The following ERF variants were observed in gnomAD, a reference collection of about 807,000 sequenced individuals.
The protein encoded by ERF is ETS2 repressor factor, also known as ETS domain-containing transcription factor ERF.
ERF carries 10 observed loss-of-function variants against 41.6 expected under a neutral mutation model. The observed-to-expected ratio is 0.24, with a 90% CI of 0.15 to 0.41. ERF has a LOEUF of 0.41. Among genes scored for constraint, ERF ranks in the 10% least tolerant of loss-of-function variants. The pLI is 1.00. For synonymous variants in ERF, 395 were observed against 342.4 expected (o/e 1.15, Z -1.70); for missense variants, 621 against 763.2 (o/e 0.81, Z 2.19).
intron 1 of ERF, among the ~76,000 whole-genome samples, chr19:42,253,059 A>G (rs2036470788): frequency 6.6e-6 from 1 of 152,212 alleles, no homozygotes; most frequent in Non-Finnish European, 1.5e-5. Context: ...TGGGTCCCAC[A>G]GAGGCGGGGT....
intron 1 of ERF, 134 bp downstream of exon 1, chr19:42,254,844 C>T: frequency 9.6e-7 from 1 of 1,045,116 alleles, no homozygotes; most frequent in East Asian, 3.3e-5. Context: ...AGCAACAGGT[C>T]TCCAGTGCTT....
At position 42,248,736 on chromosome 19, in the gene ERF, G is replaced by C; in HGVS notation, c.1376C>G (p.Ala459Gly). ...EDGEVFKTPR[A>G]PPAPPKPEPG... ...CTCAGGCTTAGGGGGTGCAGGTGGG[G>C]CACGGGGCGTCTTGAACACCTCCCC... The change falls in exon 4 of 4, where the codon GCC (alanine) becomes GGC (glycine). Residue 459 changes from alanine to glycine, a missense_variant. By Grantham distance (60) the Ala-to-Gly change is moderately conservative (BLOSUM62 0). Around this residue, in one of 3 missense-constraint regions of ERF, gnomAD observed 569 missense variants for 625.5 expected, o/e 0.91. Coordinates refer to ENST00000222329, the MANE Select transcript of ERF (RefSeq NM_006494.4). This position sits in a 1 kb window ranked among gnomAD's most constrained non-coding sequence, Gnocchi z 4.2. 1 of 1,613,616 alleles carries C rather than the reference G, an allele frequency of 6.2e-7. No homozygotes were observed. Among genetic ancestry groups the C allele is most frequent in the South Asian group, 1.1e-5 (1 of 91,082 alleles).
chr19:42,253,804 G>A (rs2036486858), intron 1 of ERF: 1 of 897,614 alleles, frequency 1.1e-6, no homozygotes, highest in Non-Finnish European at 1.3e-6. Context: ...AATGGGGTGG[G>A]GATGGGGTGG....
At chr19:42,254,185 G>C (rs542080056) in intron 1 of ERF, among the ~76,000 whole-genome samples, 5 of 151,484 alleles carry the variant, frequency 3.3e-5, no homozygotes, top group Non-Finnish European at 5.9e-5. Context: ...GCGGAGGGAA[G>C]AGACGGCCCG....
chr19:42,251,739 CA>C (rs2036449517), intron 1 of ERF, among the ~76,000 whole-genome samples: 1 of 152,118 alleles, frequency 6.6e-6, no homozygotes, highest in Admixed American at 6.5e-5. Context: ...CATCCACCCT[CA>C]AAGACTCCAC....
At chr19:42,253,136 C>A (rs888347867) in intron 1 of ERF, among the ~76,000 whole-genome samples, 1 of 152,186 alleles carries the variant, frequency 6.6e-6, no homozygotes, top group Admixed American at 6.5e-5. Context: ...CCCAACCTCA[C>A]GTGACGGCCC....
Position 42,254,991 on chromosome 19 carries a change from G to A in ERF, c.9C>T (p.Thr3=), listed in dbSNP as rs781046760. 12 of 1,469,646 alleles carry A rather than the reference G, an allele frequency of 8.2e-6. No individual in the cohort carries two copies. In the East Asian group the frequency reaches 2.7e-4, roughly 33 times the overall value. 91.0% of individuals were successfully genotyped at this position (1,469,646 alleles called of 1,614,324 possible). A position where few individuals can be genotyped will look rare whatever the true frequency, so the allele number is the denominator to read the frequency against. Residue 3 remains threonine (T), a synonymous_variant, in exon 1 of 4, where the codon ACC becomes ACT. Coordinates refer to ENST00000222329, the MANE Select transcript of ERF (RefSeq NM_006494.4). MK[T]PADTGFAFPD... is the part of the protein sequence containing the mutation. ...CCCCGCCCCCACCTGTGTCCGCCGGGGTCTTCATGCTGGGGGGCCCGGGGC... is the reference window on the plus strand; with the variant it reads ...CCCCGCCCCCACCTGTGTCCGCCGGAGTCTTCATGCTGGGGGGCCCGGGGC...
chr19:42,253,618 G>A (rs1273619720), intron 1 of ERF, among the ~76,000 whole-genome samples: 3 of 151,968 alleles, frequency 2.0e-5, no homozygotes, highest in Non-Finnish European at 4.4e-5. Flanking sequence ...GGAAGCCGGG[G>A]GAGTGTGTAG....
At chr19:42,252,946 G>A (rs1487171332) in intron 1 of ERF, among the ~76,000 whole-genome samples, 2 of 152,160 alleles carry the variant, frequency 1.3e-5, no homozygotes, top group East Asian at 3.9e-4. Context: ...CAGGGAGAGA[G>A]CAGGCACATG....
chr19:42,252,741 T>A (rs1464930991), intron 1 of ERF, among the ~76,000 whole-genome samples: 1 of 149,286 alleles, frequency 6.7e-6, no homozygotes, highest in Admixed American at 6.6e-5. Flanking sequence ...GGGGGGAGAA[T>A]GAAGAGGGGG....
Position 42,250,190 on chromosome 19 carries a change from G to T in ERF, c.257+141C>A. On this transcript the variant is annotated intron_variant, in intron 2 of 3. Coordinates refer to ENST00000222329, the MANE Select transcript of ERF (RefSeq NM_006494.4). The surrounding 1 kb of genome is among the most constrained non-coding windows in gnomAD (Gnocchi z 5.1). Reference sequence around the variant, plus strand: ...TGTGTTACCAAGGGGCTCAGGGAAGGGCTGGGAGTGGCCCAAGGTCACACA... The same window carrying T: ...TGTGTTACCAAGGGGCTCAGGGAAGTGCTGGGAGTGGCCCAAGGTCACACA... The T allele has an allele frequency of 1.1e-6, 1 of 942,984 alleles. No individual in the cohort carries two copies. Among genetic ancestry groups the T allele is most frequent in the Non-Finnish European group, 1.6e-6 (1 of 628,872 alleles). 58.4% of individuals were successfully genotyped at this position (942,984 alleles called of 1,614,324 possible).
intron 1 of ERF, 110 bp downstream of exon 1, chr19:42,254,868 G>C: frequency 7.8e-7 from 1 of 1,283,196 alleles, no homozygotes; most frequent in South Asian, 1.6e-5. Context: ...GGGTCCCCCA[G>C]AACTGGGGAT....
chr19:42,254,066 A>G (rs1234149520), intron 1 of ERF, among the ~76,000 whole-genome samples: 2 of 148,480 alleles, frequency 1.3e-5, no homozygotes, highest in Admixed American at 1.3e-4. Context: ...GGGGAGGGGG[A>G]AAAGTCCGAG....
rs1219051518 is a variant in ERF at position 42,249,259 on chromosome 19, G to A, written c.853C>T (p.Pro285Ser). Residue 285 changes from proline to serine, a missense_variant, in exon 4 of 4, where the codon CCG becomes TCG. Coordinates refer to ENST00000222329, the MANE Select transcript of ERF (RefSeq NM_006494.4). This position sits in a 1 kb window ranked among gnomAD's most constrained non-coding sequence, Gnocchi z 8.6. ...CCCCCGCCACCACTGGGGTACATCG[G>A]GCTCAGCGTGGGCGAGGGAGTGTAG... ...LAYTPSPTLS[P>S]MYPSGGGGPS... 6.2e-7 allele frequency: 1 copy of A among 1,611,450 alleles called. No homozygotes were observed. The highest frequency in any genetic ancestry group is 2.2e-5 in the East Asian group (1 of 44,824).
At chr19:42,254,097 G>A (rs1477280978) in intron 1 of ERF, among the ~76,000 whole-genome samples, 2 of 149,322 alleles carry the variant, frequency 1.3e-5, no homozygotes, top group African/African-American at 4.9e-5. Context: ...AGTTAATCCC[G>A]CTGCCCCCCG....
At position 42,248,345 on chromosome 19, in the gene ERF, G is replaced by C; in HGVS notation, c.*120C>G. ...AAGTTTTATACAAAATGTGGGGAGG[G>C]AAAAGGGAGGAGGCAGGGAAGAGAC... On this transcript the variant is annotated 3_prime_UTR_variant, in exon 4 of 4. Coordinates refer to ENST00000222329, the MANE Select transcript of ERF (RefSeq NM_006494.4). The surrounding 1 kb of genome is among the most constrained non-coding windows in gnomAD (Gnocchi z 4.2). The C allele has an allele frequency of 1.1e-6, 1 of 910,014 alleles. No homozygotes were observed. Among genetic ancestry groups the C allele is most frequent in the Non-Finnish European group, 1.5e-6 (1 of 670,812 alleles). 56.4% of individuals were successfully genotyped at this position (910,014 alleles called of 1,614,324 possible). A position where few individuals can be genotyped will look rare whatever the true frequency, so the allele number is the denominator to read the frequency against.
At position 42,253,817 on chromosome 19, in the gene ERF, T is replaced by G. The variant is rs1038709308; in HGVS notation, c.22+1161A>C. The G allele has an allele frequency of 5.1e-4, 447 of 872,872 alleles. 2 individuals carry two copies. The highest frequency in any genetic ancestry group is 1.1e-3 in the Admixed American group (14 of 12,416). The allele number at this position is 872,872 out of a possible 1,614,324, so 54.1% of individuals were successfully genotyped here. A position where few individuals can be genotyped will look rare whatever the true frequency, so the allele number is the denominator to read the frequency against. On this transcript the variant is annotated intron_variant, in intron 1 of 3. Coordinates refer to ENST00000222329, the MANE Select transcript of ERF (RefSeq NM_006494.4). Reference sequence around the variant, plus strand: ...GGAATGGGGTGGGGATGGGGTGGGGTGGGTGGGCCGGTCGGGGCACACACC... The same window carrying G: ...GGAATGGGGTGGGGATGGGGTGGGGGGGGTGGGCCGGTCGGGGCACACACC...
chr19:42,249,915 G>A lies in ERF; in HGVS notation c.285C>T (p.His95=), dbSNP rs1045254229. ...LRYYYNKRIL[H]KTKGKRFTYK... ...AGGTGAACCGTTTCCCCTTGGTCTT[G>A]TGCAGAATGCGCTTGTTATAGTAAT... Residue 95 remains histidine (H), a synonymous_variant, in exon 3 of 4, where the codon CAC becomes CAT. Transcript: ENST00000222329. The surrounding 1 kb of genome is among the most constrained non-coding windows in gnomAD (Gnocchi z 8.6). 5.0e-6 allele frequency: 8 copies of A among 1,614,056 alleles called. No homozygotes were observed. The African/African-American group carries it at 1.1e-4, about 22-fold the overall frequency.
chr19:42,249,684 C>T lies in ERF; in HGVS notation c.428G>A (p.Arg143His), dbSNP rs1250639908. The change falls in exon 4 of 4, where the codon CGC becomes CAC. Residue 143 changes from arginine (R) to histidine (H), a missense_variant. Physicochemically the swap from Arg to His is conservative, Grantham distance 29. This residue lies in a region of ERF where 569 missense variants were observed against 625.5 expected (regional missense o/e 0.91). Coordinates refer to ENST00000222329, the MANE Select transcript of ERF (RefSeq NM_006494.4). This position sits in a 1 kb window ranked among gnomAD's most constrained non-coding sequence, Gnocchi z 8.6. ...PPVPSGGSHF[R>H]FPPSTPSEVL... ...CTCGGAGGGCGTTGAGGGAGGGAAG[C>T]GGAAGTGGCTACCACCCGACGGCAC... 28 of 1,599,408 alleles carry T rather than the reference C, an allele frequency of 1.8e-5. No homozygotes were observed. The highest frequency in any genetic ancestry group is 2.3e-5 in the Non-Finnish European group (27 of 1,171,472).
Sources: gnomAD v4.1 joint callset for allele counts (sites outside exome capture counted in the v4.1 genomes callset) on GRCh38, gnomAD v4.1.1 for gene constraint, gnomAD v4.1.1 regional missense constraint, Gnocchi (gnomAD v3.1) non-coding constraint, MANE v1.5 for transcripts, NCBI Gene and HGNC (gene_info 2026-07-23, HGNC 2026-07-21) for gene names.